The following SPG21 variants were observed in gnomAD, a reference collection of about 807,000 sequenced individuals.
SPG21 encodes SPG21 abhydrolase domain containing, maspardin.
A neutral mutation model predicts 38.9 loss-of-function variants in SPG21; 26 were observed. That is an observed-to-expected ratio of 0.67 (90% CI 0.49 to 0.93). SPG21 has a LOEUF of 0.93. Among genes scored for constraint, SPG21 ranks in the 40% least tolerant of loss-of-function variants. SPG21 has a pLI of 0.00. For synonymous variants in SPG21, 136 were observed against 128.9 expected (o/e 1.05, Z -0.37); for missense variants, 333 against 376.5 (o/e 0.88, Z 0.96).
intron 1 of SPG21, among the ~76,000 whole-genome samples, chr15:64,985,179 C>A (rs1394895579): frequency 6.6e-6 from 1 of 152,146 alleles, no homozygotes; most frequent in African/African-American, 2.4e-5. Context: ...CAAAATGAAA[C>A]ATTTGCCCTT....
At chr15:64,977,303 G>GTT (rs1566929028) in intron 3 of SPG21, among the ~76,000 whole-genome samples, 1 of 152,052 alleles carries the variant, frequency 6.6e-6, no homozygotes, top group East Asian at 1.9e-4. Context: ...GACCTCAAGT[G>GTT]ATCTAACTGC....
At chr15:64,975,074 G>A (rs1020315122) in intron 4 of SPG21, among the ~76,000 whole-genome samples, 2 of 152,022 alleles carry the variant, frequency 1.3e-5, no homozygotes, top group African/African-American at 2.4e-5. Context: ...CAGATCACGA[G>A]GTCAGGAGTT....
At chr15:64,965,112 T>A (rs934685604) in intron 8 of SPG21, among the ~76,000 whole-genome samples, 3 of 152,184 alleles carry the variant, frequency 2.0e-5, no homozygotes, top group Non-Finnish European at 4.4e-5. Flanking sequence ...AAAGGGATGG[T>A]GGCCAGAGAG....
At chr15:64,988,971 G>C (rs1364908234) in intron 1 of SPG21, 2 of 129,154 alleles carry the variant, frequency 1.5e-5, no homozygotes. Flanking sequence ...GACGGAGCGA[G>C]ACTCCGTCTC....
At chr15:64,980,443 TAAAA>T (rs1490836036) in intron 3 of SPG21, among the ~76,000 whole-genome samples, 1 of 151,868 alleles carries the variant, frequency 6.6e-6, no homozygotes, top group Non-Finnish European at 1.5e-5. Context: ...TTTCCTCAAT[TAAAA>T]AAACTGCCTG....
chr15:64,984,445 G>C (rs1416105778), intron 1 of SPG21, among the ~76,000 whole-genome samples: 1 of 152,068 alleles, frequency 6.6e-6, no homozygotes, highest in Non-Finnish European at 1.5e-5. Context: ...CTTAACCTCT[G>C]AGGCTCAAGT....
intron 2 of SPG21, chr15:64,981,287 TC>T (rs1413210594): frequency 8.8e-6 from 3 of 339,674 alleles, no homozygotes; most frequent in Non-Finnish European, 1.6e-5. Flanking sequence ...TTCCCCCTCC[TC>T]CTTTTTTTTT....
chr15:64,972,701 G>A (rs1488778849), intron 5 of SPG21, among the ~76,000 whole-genome samples: 3 of 152,092 alleles, frequency 2.0e-5, no homozygotes, highest in East Asian at 1.9e-4. Context: ...GCATGGTGGC[G>A]GGCGCCTGTA....
In SPG21 at chr15:64,980,975, G is replaced by A; in HGVS notation, c.114C>T (p.Gly38=). 1.9e-6 allele frequency: 3 copies of A among 1,614,106 alleles called. No individual in the cohort carries two copies. The highest frequency in any genetic ancestry group is 2.5e-6 in the Non-Finnish European group (3 of 1,180,012). ...DSKIWSLYDA[G]PRSIRCPLIF... ...TGAGAGGACACCTGATACTTCGGGGGCCCGCGTCATAGAGCGACCATATCT... is the reference window on the plus strand; with the variant it reads ...TGAGAGGACACCTGATACTTCGGGGACCCGCGTCATAGAGCGACCATATCT... The change falls in exon 3 of 9, where the codon GGC becomes GGT. Residue 38 remains glycine, a synonymous_variant. Transcript: ENST00000204566.
intron 1 of SPG21, among the ~76,000 whole-genome samples, chr15:64,987,957 C>A (rs751573775): frequency 3.9e-5 from 6 of 152,188 alleles, no homozygotes; most frequent in Non-Finnish European, 7.3e-5. Context: ...TCACTTGAAC[C>A]CGGGAGGCAG....
chr15:64,976,463 C>A lies in SPG21; in HGVS notation c.306+12G>T. 1 of 1,584,940 alleles carries A rather than the reference C, an allele frequency of 6.3e-7. No homozygotes were observed. Among genetic ancestry groups the A allele is most frequent in the Non-Finnish European group, 8.7e-7 (1 of 1,153,958 alleles). On this transcript the variant is annotated intron_variant, in intron 4 of 8. Transcript: ENST00000204566. ...AAAATTGTATGTATGTAATTAGTTTCAGGGTACTCACTTTATCCAATTGTA... is the reference window on the plus strand; with the variant it reads ...AAAATTGTATGTATGTAATTAGTTTAAGGGTACTCACTTTATCCAATTGTA...
Position 64,963,683 on chromosome 15 carries a change from C to T in SPG21, c.864G>A (p.Met288Ile), listed in dbSNP as rs1447370229. ...GCACCTCAAGCTCCTCGGCACTGAC[C>T]ATTGATGGGTCAATGGCCGCGTATT... Reference protein sequence around the residue: ...GTKYAAIDPSMVSAEELEVQK... With the variant: ...GTKYAAIDPSIVSAEELEVQK... The change falls in exon 9 of 9, where the codon ATG (methionine) becomes ATA (isoleucine). Residue 288 changes from methionine (M) to isoleucine (I), a missense_variant. Transcript: ENST00000204566. 6.2e-7 allele frequency: 1 copy of T among 1,614,150 alleles called. No individual in the cohort carries two copies. The highest frequency in any genetic ancestry group is 8.5e-7 in the Non-Finnish European group (1 of 1,180,028).
intron 2 of SPG21, chr15:64,981,270 C>A: frequency 2.3e-6 from 1 of 439,804 alleles, no homozygotes; most frequent in East Asian, 4.5e-5. Context: ...TGCTGCTTCT[C>A]TGTTTCTTCC....
At position 64,970,141 on chromosome 15, in the gene SPG21, A is replaced by G; in HGVS notation, c.534T>C (p.Ala178=). 6.2e-7 allele frequency: 1 copy of G among 1,614,056 alleles called. No homozygotes were observed. Among genetic ancestry groups the G allele is most frequent in the Non-Finnish European group, 8.5e-7 (1 of 1,179,922 alleles). Residue 178 remains alanine, a synonymous_variant, in exon 6 of 9, where the codon GCT becomes GCC. Transcript: ENST00000204566. ...TGTCTACCATGAAATCAATGGCATC[A>G]GCCATCATAGGGTCCACCGGGCCAG... The part of the protein sequence containing the change: ...FSSGPVDPMM[A]DAIDFMVDRL...
At chr15:64,975,461 G>C (rs978435183) in intron 4 of SPG21, among the ~76,000 whole-genome samples, 2 of 150,656 alleles carry the variant, frequency 1.3e-5, no homozygotes, top group Admixed American at 6.6e-5. Context: ...CCAAAAGGTT[G>C]AGGCTGCAGT....
chr15:64,969,183 T>C (rs556399353), intron 7 of SPG21, 72 bp downstream of exon 7: 2 of 1,070,780 alleles, frequency 1.9e-6, no homozygotes, highest in African/African-American at 1.6e-5. Context: ...AGTTATCAAA[T>C]AGTTTTATAG....
chr15:64,977,492 G>A (rs888981515), intron 3 of SPG21, among the ~76,000 whole-genome samples: 1 of 151,910 alleles, frequency 6.6e-6, no homozygotes, highest in African/African-American at 2.4e-5. Flanking sequence ...CCCGGTAGCT[G>A]GAATCACAGG....
intron 5 of SPG21, among the ~76,000 whole-genome samples, 153 bp from the exon 6 acceptor site, chr15:64,970,375 C>A (rs2085638004): frequency 6.6e-6 from 1 of 152,192 alleles, no homozygotes; most frequent in Admixed American, 6.5e-5. Context: ...TTTACACACA[C>A]TTTCCCAAGC....
chr15:64,985,649 T>C (rs2085976591), intron 1 of SPG21, among the ~76,000 whole-genome samples: 1 of 152,206 alleles, frequency 6.6e-6, no homozygotes, highest in Non-Finnish European at 1.5e-5. Flanking sequence ...CGAGGTGAGA[T>C]TCGTGAGACC....
Sources: gnomAD v4.1 joint callset for allele counts (sites outside exome capture counted in the v4.1 genomes callset) on GRCh38, gnomAD v4.1.1 for gene constraint, MANE v1.5 for transcripts, NCBI Gene and HGNC (gene_info 2026-07-23, HGNC 2026-07-21) for gene names.